Variants in EVI5L observed in about 807,000 individuals in gnomAD.
EVI5L encodes ecotropic viral integration site 5 like, also known as EVI5-like protein.
EVI5L carries 30 observed loss-of-function variants against 106.1 expected under a neutral mutation model. The observed-to-expected ratio is 0.28, with a 90% CI of 0.21 to 0.38. EVI5L has a LOEUF of 0.38. Among genes scored for constraint, EVI5L ranks in the 10% least tolerant of loss-of-function variants. The pLI is 1.00. For missense variants in EVI5L, 809 were observed against 1,098.0 expected, an observed-to-expected ratio of 0.74 and a Z score of 3.72; for synonymous variants, 489 against 483.3, an observed-to-expected ratio of 1.01 and a Z score of -0.15.
chr19:7,849,052 G>A lies in EVI5L; in HGVS notation c.459G>A (p.Leu153=), dbSNP rs201624350. Residue 153 remains leucine, a synonymous_variant, in exon 4 of 20, where the codon CTG becomes CTA. Coordinates refer to ENST00000538904, the MANE Select transcript of EVI5L (RefSeq NM_001159944.3). ...AGATGTCCTCGCCGTGCGAGAAGCTGATCCGCAGGGACATCGCCCGCACCT... is the reference window on the plus strand; with the variant it reads ...AGATGTCCTCGCCGTGCGAGAAGCTAATCCGCAGGGACATCGCCCGCACCT... ...LLKMSSPCEK[L]IRRDIARTYP... 6.2e-7 allele frequency: 1 copy of A among 1,613,428 alleles called. No individual in the cohort carries two copies. The highest frequency in any genetic ancestry group is 8.5e-7 in the Non-Finnish European group (1 of 1,179,868).
chr19:7,830,263 C>G lies in EVI5L; in HGVS notation c.-166C>G, dbSNP rs1978289594. ...CGGCGGAGCCGGCGGCGGCCGCGGT[C>G]CCGGGGGGCGGCTGAGGGGGCCGGG... On this transcript the variant is annotated 5_prime_UTR_variant, in exon 1 of 20. Coordinates refer to ENST00000538904, the MANE Select transcript of EVI5L (RefSeq NM_001159944.3). 1 of 151,806 alleles carries G rather than the reference C, an allele frequency of 6.6e-6. No individual in the cohort carries two copies. Among genetic ancestry groups the G allele is most frequent in the Non-Finnish European group, 1.5e-5 (1 of 67,726 alleles). The allele number at this position is 151,806 out of a possible 1,614,324, so 9.4% of individuals were successfully genotyped here. A position where few individuals can be genotyped will look rare whatever the true frequency, so the allele number is the denominator to read the frequency against.
intron 10 of EVI5L, among the ~76,000 whole-genome samples, chr19:7,854,281 C>T (rs1410377862): frequency 1.1e-5 from 1 of 94,754 alleles, no homozygotes; most frequent in East Asian, 3.4e-4. Context: ...GACTGTGTCT[C>T]AAAAAAAAAA....
At chr19:7,844,126 A>G (rs943659980) in intron 1 of EVI5L, among the ~76,000 whole-genome samples, 4 of 151,550 alleles carry the variant, frequency 2.6e-5, no homozygotes, top group Non-Finnish European at 5.9e-5. Flanking sequence ...GCCGAGGCAG[A>G]TGGATTCCGA....
chr19:7,839,015 A>T (rs1161255444), intron 1 of EVI5L, among the ~76,000 whole-genome samples: 1 of 147,960 alleles, frequency 6.8e-6, no homozygotes, highest in Admixed American at 6.8e-5. Flanking sequence ...AAAAAAAAAA[A>T]TCCTTGGCCA....
In EVI5L at chr19:7,850,228, A is replaced by C; in HGVS notation, c.753+106A>C. The stretch of plus-strand genomic sequence containing the variant: ...AAGGGCAGGGCTGGCACCCTAGACC[A>C]TACCCGGGCACCTCTTGGACTGAAA... On this transcript the variant is annotated intron_variant, in intron 6 of 19. Coordinates refer to ENST00000538904, the MANE Select transcript of EVI5L (RefSeq NM_001159944.3). The surrounding 1 kb of genome is among the most constrained non-coding windows in gnomAD (Gnocchi z 5.4). 1 of 1,443,148 alleles carries C rather than the reference A, an allele frequency of 6.9e-7. No homozygotes were observed. The highest frequency in any genetic ancestry group is 9.2e-7 in the Non-Finnish European group (1 of 1,087,202). The allele number at this position is 1,443,148 out of a possible 1,614,324, so 89.4% of individuals were successfully genotyped here. A position where few individuals can be genotyped will look rare whatever the true frequency, so the allele number is the denominator to read the frequency against.
At chr19:7,862,654 G>C (rs1240926911) in intron 17 of EVI5L, 120 bp downstream of exon 17, 7 of 902,932 alleles carry the variant, frequency 7.8e-6, no homozygotes, top group East Asian at 3.4e-5. Context: ...CCCTGCCCGC[G>C]GTCCTCCCGC....
At chr19:7,860,720 G>A (rs1374127772) in intron 14 of EVI5L, 31 bp downstream of exon 14, 12 of 1,543,354 alleles carry the variant, frequency 7.8e-6, no homozygotes, top group African/African-American at 4.1e-5. Flanking sequence ...GGCAGGTGTC[G>A]GGGGGACCCT....
chr19:7,842,837 A>G (rs1306577065), intron 1 of EVI5L, among the ~76,000 whole-genome samples: 3 of 149,866 alleles, frequency 2.0e-5, no homozygotes, highest in Non-Finnish European at 4.4e-5. Flanking sequence ...GTGAAGGTAT[A>G]TAGGTGTGTG....
intron 14 of EVI5L, 42 bp from the exon 15 acceptor site, chr19:7,861,836 G>A (rs1230035358): frequency 1.9e-6 from 3 of 1,548,032 alleles, no homozygotes; most frequent in Non-Finnish European, 1.7e-6. Flanking sequence ...GGGCCATGCG[G>A]CTGCGCTGCT....
rs1484224522 is a variant in EVI5L, at chr19:7,858,391, C to T, written c.1374+60C>T. ...CATGACCCGCGCCCCCGCCCCCGCC[C>T]AACGGTTTTCTTTCAGGGCTCATAA... On this transcript the variant is annotated intron_variant, in intron 13 of 19. Coordinates refer to ENST00000538904, the MANE Select transcript of EVI5L (RefSeq NM_001159944.3). The surrounding 1 kb of genome is among the most constrained non-coding windows in gnomAD (Gnocchi z 5.7). The T allele has an allele frequency of 2.0e-6, 3 of 1,491,158 alleles. No homozygotes were observed. Among genetic ancestry groups the T allele is most frequent in the African/African-American group, 1.4e-5 (1 of 71,034 alleles). 92.4% of individuals were successfully genotyped at this position (1,491,158 alleles called of 1,614,324 possible).
intron 14 of EVI5L, among the ~76,000 whole-genome samples, chr19:7,861,003 A>G (rs1979775480): frequency 6.6e-6 from 1 of 152,054 alleles, no homozygotes; most frequent in Non-Finnish European, 1.5e-5. Flanking sequence ...GGAAGGAGAG[A>G]AAGGAAGGCC....
At position 7,858,446 on chromosome 19, in the gene EVI5L, G is replaced by T; in HGVS notation, c.1374+115G>T. ...CCCCGCCTCAGCACCTGGCCCTCCT[G>T]TTCCTTTCTGGGGTAAGGGGAACCC... On this transcript the variant is annotated intron_variant, in intron 13 of 19. Coordinates refer to ENST00000538904, the MANE Select transcript of EVI5L (RefSeq NM_001159944.3). The surrounding 1 kb of genome is among the most constrained non-coding windows in gnomAD (Gnocchi z 5.7). 1 of 1,342,966 alleles carries T rather than the reference G, an allele frequency of 7.4e-7. No homozygotes were observed. The highest frequency in any genetic ancestry group is 9.8e-7 in the Non-Finnish European group (1 of 1,015,638). The allele number at this position is 1,342,966 out of a possible 1,614,324, so 83.2% of individuals were successfully genotyped here.
At chr19:7,853,618 T>G in intron 10 of EVI5L, 1 of 508,890 alleles carries the variant, frequency 2.0e-6, no homozygotes, top group Non-Finnish European at 3.6e-6. Flanking sequence ...TGAACTAGAG[T>G]GCGGACTCTA....
chr19:7,833,372 A>G (rs1306263244), intron 1 of EVI5L, among the ~76,000 whole-genome samples: 1 of 152,230 alleles, frequency 6.6e-6, no homozygotes, highest in African/African-American at 2.4e-5. Context: ...GCCAAGCACC[A>G]TTGACATATT....
intron 10 of EVI5L, 31 bp downstream of exon 10, chr19:7,853,364 G>A: frequency 6.3e-7 from 1 of 1,595,210 alleles, no homozygotes; most frequent in African/African-American, 1.3e-5. Context: ...GCGGGGACAG[G>A]GATGGGAGGC....
At position 7,863,547 on chromosome 19, in the gene EVI5L, G is replaced by A; in HGVS notation, c.2263G>A (p.Val755Met). 1.2e-6 allele frequency: 2 copies of A among 1,600,144 alleles called. No individual in the cohort carries two copies. Among genetic ancestry groups the A allele is most frequent in the Non-Finnish European group, 8.5e-7 (1 of 1,174,342 alleles). Residue 755 changes from valine to methionine, a missense_variant, in exon 20 of 20, where the codon GTG becomes ATG. By Grantham distance (21) the Val-to-Met change is conservative (BLOSUM62 1). Coordinates refer to ENST00000538904, the MANE Select transcript of EVI5L (RefSeq NM_001159944.3). This position sits in a 1 kb window ranked among gnomAD's most constrained non-coding sequence, Gnocchi z 7.7. ...SSDEELLGVG[V>M]GAALQDALYP... is the part of the protein sequence containing the mutation. ...GGACGAGGAGCTACTTGGCGTAGGC[G>A]TGGGCGCTGCCCTGCAGGACGCATT...
chr19:7,836,885 A>G (rs1199052805), intron 1 of EVI5L, among the ~76,000 whole-genome samples: 2 of 149,174 alleles, frequency 1.3e-5, no homozygotes, highest in Non-Finnish European at 3.0e-5. Context: ...GCCCCCCCTC[A>G]GCCTCCCACA....
At chr19:7,849,863 A>G (rs1979148704) in intron 5 of EVI5L, 134 bp from the exon 6 acceptor site, 1 of 699,036 alleles carries the variant, frequency 1.4e-6, no homozygotes, top group African/African-American at 1.8e-5. Flanking sequence ...AGGGACCAAC[A>G]GTGTGTCATG....
Position 7,842,573 on chromosome 19 carries a change from G to A in EVI5L, c.-47-3923G>A, listed in dbSNP as rs551436577. 1.9e-4 allele frequency among the ~76,000 whole-genome samples: 28 copies of A among 147,228 alleles called. 1 individual carries two copies. In the East Asian group the frequency reaches 5.9e-3, roughly 31 times the overall value. On this transcript the variant is annotated intron_variant, in intron 1 of 19. Transcript: ENST00000538904. ...GTGTGTATGTGTGTGAATTGTGTGT[G>A]TGCATGTATCAAGCATGTGTGAATG...
Sources: gnomAD v4.1 joint callset for allele counts (sites outside exome capture counted in the v4.1 genomes callset) on GRCh38, gnomAD v4.1.1 for gene constraint, Gnocchi (gnomAD v3.1) non-coding constraint, MANE v1.5 for transcripts, NCBI Gene and HGNC (gene_info 2026-07-23, HGNC 2026-07-21) for gene names.